The following KIAA0586 variants were observed in gnomAD, a reference collection of about 807,000 sequenced individuals.
KIAA0586 encodes protein TALPID3.
In KIAA0586, 144 loss-of-function variants were observed where a neutral mutation model predicts 169.8. The ratio of observed to expected loss-of-function variants is 0.85; its 90% CI spans 0.74 to 0.97. The LOEUF is 0.97. Ranked by LOEUF, KIAA0586 falls within the 50% of genes least tolerant of loss-of-function variation. The pLI is 0.00. For synonymous variants in KIAA0586, 625 were observed against 612.4 expected, an observed-to-expected ratio of 1.02 and a Z score of -0.30; for missense variants, 1,854 against 1,823.0, an observed-to-expected ratio of 1.02 and a Z score of -0.31.
chr14:58,561,989 G>A, the KIAA0586 span, among the ~76,000 whole-genome samples: 42 of 152,268 alleles, frequency 2.8e-4, no homozygotes, highest in East Asian at 7.9e-3. Context: ...CTTTCCTTGG[G>A]AATTATCTAA....
chr14:58,528,020 T>C (rs1566944175), intron 29 of KIAA0586, among the ~76,000 whole-genome samples: 1 of 152,026 alleles, frequency 6.6e-6, no homozygotes, highest in African/African-American at 2.4e-5. Context: ...ATGTTTACCA[T>C]GCAAATGGAA....
chr14:58,427,754 T>C lies in KIAA0586; in HGVS notation c.-511T>C. On this transcript the variant is annotated 5_prime_UTR_variant, in exon 1 of 31. Coordinates refer to ENST00000652326, the MANE Select transcript of KIAA0586 (RefSeq NM_001329943.3). ...GATTACACCCACGACGGTGCGGGTC[T>C]CGGGCGTTCTGGAGATACGTAGGGG... The C allele has an allele frequency of 6.5e-7, 1 of 1,532,702 alleles. No individual in the cohort carries two copies. Among genetic ancestry groups the C allele is most frequent in the Non-Finnish European group, 8.7e-7 (1 of 1,145,970 alleles). The allele number at this position is 1,532,702 out of a possible 1,614,324, so 94.9% of individuals were successfully genotyped here.
chr14:58,476,763 G>T (rs553636456), intron 19 of KIAA0586, among the ~76,000 whole-genome samples: 2 of 151,392 alleles, frequency 1.3e-5, no homozygotes, highest in South Asian at 4.2e-4. Flanking sequence ...AACCTCGTGG[G>T]CTCAAGCCAT....
chr14:58,547,762 G>A lies in KIAA0586; in HGVS notation c.4496-19G>A. The A allele has an allele frequency of 6.2e-6, 10 of 1,602,562 alleles. No individual in the cohort carries two copies. The highest frequency in any genetic ancestry group is 8.5e-6 in the Non-Finnish European group (10 of 1,172,604). ...TCAGGTTACGCATGTTGAGCTGAAT[G>A]AGCTTCTCCTTTGTGCAGGTGGGAA... On this transcript the variant is annotated intron_variant, in intron 30 of 30. Transcript: ENST00000652326.
rs1450519404 is a variant in KIAA0586, at chr14:58,549,778, CCT to C, written c.*1847_*1848del. ...TTAAACATGACACCCCACCCCCCAA[CCT>C]TGGTTTCTGGTTTTCATAGTTTTTT... On this transcript the variant is annotated 3_prime_UTR_variant, in exon 31 of 31. Coordinates refer to ENST00000652326, the MANE Select transcript of KIAA0586 (RefSeq NM_001329943.3). 1 of 152,178 alleles carries C rather than the reference CCT, an allele frequency of 6.6e-6. No homozygotes were observed. The highest frequency in any genetic ancestry group is 1.5e-5 in the Non-Finnish European group (1 of 68,042). The allele number at this position is 152,178 out of a possible 1,614,324, so 9.4% of individuals were successfully genotyped here. A position where few individuals can be genotyped will look rare whatever the true frequency, so the allele number is the denominator to read the frequency against.
chr14:58,491,380 T>C (rs1474601066), intron 25 of KIAA0586, among the ~76,000 whole-genome samples: 1 of 152,202 alleles, frequency 6.6e-6, no homozygotes, highest in Non-Finnish European at 1.5e-5. Context: ...CTTGAAATCA[T>C]GTACCAGTGG....
At chr14:58,502,155 A>G (rs575182228) in intron 27 of KIAA0586, among the ~76,000 whole-genome samples, 15 of 151,936 alleles carry the variant, frequency 9.9e-5, no homozygotes, top group African/African-American at 2.9e-4. Context: ...TTTTCTTTTG[A>G]GACAGAGTCT....
intron 26 of KIAA0586, among the ~76,000 whole-genome samples, chr14:58,493,841 G>C (rs2042980087): frequency 6.6e-6 from 1 of 151,864 alleles, no homozygotes; most frequent in African/African-American, 2.4e-5. Context: ...AGGAGGGAGA[G>C]GAGAGAGAGA....
chr14:58,472,933 T>A (rs2041336476), intron 18 of KIAA0586, among the ~76,000 whole-genome samples: 1 of 141,002 alleles, frequency 7.1e-6, no homozygotes, highest in African/African-American at 2.6e-5. Context: ...TTAATGTTAT[T>A]CGCTCACAGA....
In KIAA0586 at chr14:58,483,566, G is replaced by GT. The variant is rs986644716; in HGVS notation, c.3144+863dup. Among the ~76,000 whole-genome samples the GT allele has an allele frequency of 4.6e-5, 7 of 151,028 alleles. No individual in the cohort carries two copies. The East Asian group carries it at 9.7e-4, about 21-fold the overall frequency. The stretch of plus-strand genomic sequence containing the variant: ...AATTGTTTCAAAAGCATCCTTTACA[G>GT]TTTTTTTTTAAATCAAGATATAGCC... On this transcript the variant is annotated intron_variant, in intron 21 of 30. Coordinates refer to ENST00000652326, the MANE Select transcript of KIAA0586 (RefSeq NM_001329943.3).
chr14:58,491,038 G>C (rs1020046442), intron 25 of KIAA0586, among the ~76,000 whole-genome samples: 7 of 152,096 alleles, frequency 4.6e-5, no homozygotes, highest in African/African-American at 1.7e-4. Flanking sequence ...ATTGTGAAGA[G>C]AGCATAGCAA....
intron 23 of KIAA0586, 73 bp from the exon 24 acceptor site, chr14:58,488,548 C>A: frequency 6.6e-7 from 1 of 1,520,806 alleles, no homozygotes; most frequent in South Asian, 1.2e-5. Context: ...GTCTTCGAGT[C>A]TGTTTTTTAT....
At chr14:58,525,954 C>T (rs1223876212) in intron 29 of KIAA0586, among the ~76,000 whole-genome samples, 1 of 152,226 alleles carries the variant, frequency 6.6e-6, no homozygotes, top group Non-Finnish European at 1.5e-5. Flanking sequence ...GAAGTTGGAA[C>T]TGTGTGGAAC....
chr14:58,558,398 C>T, the KIAA0586 span, among the ~76,000 whole-genome samples: 2 of 152,282 alleles, frequency 1.3e-5, no homozygotes, highest in Admixed American at 1.3e-4. Context: ...TTTCAGTTGA[C>T]ATTTTATGTC....
chr14:58,447,483 A>ATTTTG (rs1274914732), intron 6 of KIAA0586, among the ~76,000 whole-genome samples: 5 of 148,896 alleles, frequency 3.4e-5, no homozygotes, highest in African/African-American at 1.2e-4. Flanking sequence ...ATTTTGTTTT[A>ATTTTG]TTTTATTTTG....
At chr14:58,442,239 G>T (rs1595107015) in intron 4 of KIAA0586, among the ~76,000 whole-genome samples, 1 of 151,902 alleles carries the variant, frequency 6.6e-6, no homozygotes, top group South Asian at 2.1e-4. Context: ...CCTCCTGAGT[G>T]GCTAGGACTA....
At chr14:58,547,684 G>GGGGCCCCCC in intron 30 of KIAA0586, 97 bp from the exon 31 acceptor site, 1 of 946,968 alleles carries the variant, frequency 1.1e-6, no homozygotes, top group Non-Finnish European at 1.6e-6. Context: ...TGGAATCCGC[G>GGGGCCCCCC]CCCCCCCACC....
chr14:58,474,441 T>TCTGACTAA (rs2041453974), intron 18 of KIAA0586, among the ~76,000 whole-genome samples, 166 bp from the exon 19 acceptor site: 1 of 152,228 alleles, frequency 6.6e-6, no homozygotes, highest in Non-Finnish European at 1.5e-5. Flanking sequence ...ATATGATATG[T>TCTGACTAA]CTGACTAATG....
At chr14:58,494,985 C>T (rs889012402) in intron 26 of KIAA0586, among the ~76,000 whole-genome samples, 1 of 152,170 alleles carries the variant, frequency 6.6e-6, no homozygotes, top group Non-Finnish European at 1.5e-5. Flanking sequence ...TCCACACAGC[C>T]TCCTCGCTAG....
Sources: gnomAD v4.1 joint callset for allele counts (sites outside exome capture counted in the v4.1 genomes callset) on GRCh38, gnomAD v4.1.1 for gene constraint, MANE v1.5 for transcripts, NCBI Gene and HGNC (gene_info 2026-07-23, HGNC 2026-07-21) for gene names.